Variants in ARPC1B observed in about 807,000 individuals in gnomAD.
ARPC1B encodes actin related protein 2/3 complex subunit 1B, also known as actin-related protein 2/3 complex subunit 1B.
ARPC1B carries 29 observed loss-of-function variants against 46.0 expected under a neutral mutation model. The ratio of observed to expected loss-of-function variants is 0.63; its 90% CI spans 0.47 to 0.86. The LOEUF is 0.86. Among genes scored for constraint, ARPC1B ranks in the 40% least tolerant of loss-of-function variants. The pLI, the probability that ARPC1B is intolerant of heterozygous loss-of-function variation, is 0.00. For synonymous variants in ARPC1B, 201 were observed against 213.9 expected (o/e 0.94, Z 0.53); for missense variants, 469 against 529.4 (o/e 0.89, Z 1.12).
intron 1 of ARPC1B, among the ~76,000 whole-genome samples, chr7:99,380,569 C>T (rs1794183956): frequency 6.6e-6 from 1 of 152,192 alleles, no homozygotes; most frequent in South Asian, 2.1e-4. Flanking sequence ...CCAGCCCCTC[C>T]TCTGCCCCTT....
rs368940243 is a variant in ARPC1B, at chr7:99,391,085, C to T, written c.693C>T (p.Ala231=). The T allele has an allele frequency of 3.5e-5, 57 of 1,613,438 alleles. No individual in the cohort carries two copies. The highest frequency in any genetic ancestry group is 1.3e-4 in the African/African-American group (10 of 75,028). Residue 231 remains alanine (A), a synonymous_variant, in exon 6 of 10, where the codon GCC becomes GCT. Coordinates refer to ENST00000646101, the MANE Select transcript of ARPC1B (RefSeq NM_005720.4). ...SHDSTVCLAD[A]DKKMAVATLA... ...ACAGCACCGTCTGCCTGGCTGATGC[C>T]GACAAGAAGATGGCGTGAGTCGAGG...
chr7:99,380,649 C>T (rs1379908603), intron 1 of ARPC1B, among the ~76,000 whole-genome samples: 2 of 152,174 alleles, frequency 1.3e-5, no homozygotes, highest in East Asian at 3.9e-4. Context: ...TGCCCACTGG[C>T]ACACGTGGGG....
chr7:99,390,998 C>T lies in ARPC1B; in HGVS notation c.606C>T (p.Cys202=), dbSNP rs34820590. 5.0e-6 allele frequency: 8 copies of T among 1,613,974 alleles called. No individual in the cohort carries two copies. The highest frequency in any genetic ancestry group is 5.9e-6 in the Non-Finnish European group (7 of 1,180,024). ...TGATGTTCGAATCCAGCAGTAGCTG[C>T]GGCTGGGTACATGGCGTCTGTTTCT... ...GELMFESSSS[C]GWVHGVCFSA... The change falls in exon 6 of 10, where the codon TGC becomes TGT. Residue 202 remains cysteine, a synonymous_variant. Coordinates refer to ENST00000646101, the MANE Select transcript of ARPC1B (RefSeq NM_005720.4).
intron 1 of ARPC1B, among the ~76,000 whole-genome samples, chr7:99,382,901 G>A (rs1362025162): frequency 7.1e-6 from 1 of 140,982 alleles, no homozygotes; most frequent in South Asian, 2.2e-4. Context: ...CTGGAGTGCA[G>A]TGGTGTGATT....
chr7:99,388,350 A>AC lies in ARPC1B; in HGVS notation c.392+93dup, dbSNP rs1794462678. The AC allele has an allele frequency of 2.3e-6, 3 of 1,310,790 alleles. No homozygotes were observed. The South Asian group carries it at 3.9e-5, about 17-fold the overall frequency. The allele number at this position is 1,310,790 out of a possible 1,614,324, so 81.2% of individuals were successfully genotyped here. A position where few individuals can be genotyped will look rare whatever the true frequency, so the allele number is the denominator to read the frequency against. ...GGGAAGCACCAAATGGGATGTCAGG[A>AC]CCCCTGTTCCCATCACCCTGGGGGA... On this transcript the variant is annotated intron_variant, in intron 4 of 9. Coordinates refer to ENST00000646101, the MANE Select transcript of ARPC1B (RefSeq NM_005720.4).
chr7:99,392,907 C>CT, intron 8 of ARPC1B, 31 bp downstream of exon 8: 1 of 1,512,076 alleles, frequency 6.6e-7, no homozygotes, highest in South Asian at 1.2e-5. Flanking sequence ...GGCGGGTGGG[C>CT]GGGGCCTCGG....
At chr7:99,382,534 A>G (rs979867555) in intron 1 of ARPC1B, among the ~76,000 whole-genome samples, 15 of 152,234 alleles carry the variant, frequency 9.9e-5, no homozygotes, top group African/African-American at 3.6e-4. Context: ...CAGTGGTACA[A>G]TCATAGCTCA....
chr7:99,388,465 C>T (rs1326607070), intron 4 of ARPC1B, among the ~76,000 whole-genome samples: 1 of 152,144 alleles, frequency 6.6e-6, no homozygotes, highest in Non-Finnish European at 1.5e-5. Flanking sequence ...ACCCACCACA[C>T]CAGAAACACA....
rs1794453001 is a variant in ARPC1B at position 99,388,101 on chromosome 7, G to A, written c.232G>A (p.Val78Met). Residue 78 changes from valine (V) to methionine (M), a missense_variant, in exon 4 of 10, where the codon GTG becomes ATG. Val to Met is a conservative substitution (Grantham distance 21). Transcript: ENST00000646101. ...CTGCGGCACAGACCGCAACGCCTAC[G>A]TGTGGACGCTGAAGGGCCGCACATG... ...VTCGTDRNAY[V>M]WTLKGRTWKP... The A allele has an allele frequency of 1.9e-6, 3 of 1,614,116 alleles. No homozygotes were observed. The highest frequency in any genetic ancestry group is 2.2e-5 in the East Asian group (1 of 44,880).
In ARPC1B at chr7:99,374,893, G is replaced by C. The variant is rs1296833567; in HGVS notation, c.-14+112G>C. ...AGTGAGCGGGACTGGAGGGATGAGA[G>C]GGGGTGCAAGGAGGGGACCGGGGGG... On this transcript the variant is annotated intron_variant, in intron 1 of 9. Transcript: ENST00000646101. This position sits in a 1 kb window ranked among gnomAD's most constrained non-coding sequence, Gnocchi z 5.0. 1 of 151,906 alleles carries C rather than the reference G, an allele frequency of 6.6e-6. No individual in the cohort carries two copies. Among genetic ancestry groups the C allele is most frequent in the Non-Finnish European group, 1.5e-5 (1 of 68,138 alleles). 9.4% of individuals were successfully genotyped at this position (151,906 alleles called of 1,614,324 possible). A position where few individuals can be genotyped will look rare whatever the true frequency, so the allele number is the denominator to read the frequency against.
At chr7:99,379,820 T>C (rs982429955) in intron 1 of ARPC1B, among the ~76,000 whole-genome samples, 3 of 151,778 alleles carry the variant, frequency 2.0e-5, no homozygotes, top group Non-Finnish European at 4.4e-5. Flanking sequence ...TTTTTTTTTT[T>C]TCCAAGTGGA....
chr7:99,377,709 A>G (rs1794070739), intron 1 of ARPC1B, among the ~76,000 whole-genome samples: 1 of 151,542 alleles, frequency 6.6e-6, no homozygotes, highest in South Asian at 2.1e-4. Context: ...ATCTCAGCTA[A>G]CTGCAACCTC....
At chr7:99,391,295 G>A (rs1442719767) in intron 7 of ARPC1B, 42 bp downstream of exon 7, 3 of 1,594,280 alleles carry the variant, frequency 1.9e-6, no homozygotes, top group Admixed American at 3.4e-5. Flanking sequence ...GGTCACAGCA[G>A]GCCTCCGAGA....
intron 3 of ARPC1B, 70 bp downstream of exon 3, chr7:99,386,859 G>A (rs547802140): frequency 5.2e-6 from 6 of 1,164,190 alleles, no homozygotes; most frequent in Admixed American, 1.9e-5. Context: ...GCAAGGCAGG[G>A]CATGGCCACT....
chr7:99,375,564 G>C (rs1204866058), intron 1 of ARPC1B, among the ~76,000 whole-genome samples: 4 of 121,146 alleles, frequency 3.3e-5, no homozygotes, highest in African/African-American at 2.7e-4. Flanking sequence ...GAAGGGATCA[G>C]GAGTGCAAGC....
Position 99,388,266 on chromosome 7 carries a change from G to T in ARPC1B, c.392+5G>T. On this transcript the variant is annotated splice_donor_5th_base_variant and intron_variant, in intron 4 of 9. Transcript: ENST00000646101. ...TTTCGAGCAGGAGAATGACTGGTGG[G>T]TACCTAGGCAGGGCCAGAGTGGGCT... 6.2e-7 allele frequency: 1 copy of T among 1,613,362 alleles called. No individual in the cohort carries two copies. The highest frequency in any genetic ancestry group is 1.3e-5 in the African/African-American group (1 of 75,040).
At chr7:99,387,018 C>A (rs1794410689) in intron 3 of ARPC1B, among the ~76,000 whole-genome samples, 1 of 152,236 alleles carries the variant, frequency 6.6e-6, no homozygotes, top group African/African-American at 2.4e-5. Context: ...TGACCAAGAA[C>A]CCATCTTTTC....
chr7:99,388,191 G>A lies in ARPC1B; in HGVS notation c.322G>A (p.Glu108Lys), dbSNP rs573107646. 26 of 1,614,252 alleles carry A rather than the reference G, an allele frequency of 1.6e-5. No homozygotes were observed. The highest frequency in any genetic ancestry group is 6.7e-5 in the Admixed American group (4 of 60,038). Residue 108 changes from glutamate to lysine, a missense_variant, in exon 4 of 10, where the codon GAG becomes AAG. Glu to Lys is a moderately conservative substitution (Grantham distance 56). Coordinates refer to ENST00000646101, the MANE Select transcript of ARPC1B (RefSeq NM_005720.4). ...CCGCTGCGTGCGCTGGGCCCCCAAC[G>A]AGAACAAGTTTGCTGTGGGCAGCGG... ...AARCVRWAPN[E>K]NKFAVGSGSR...
rs779260035 is a variant in ARPC1B at position 99,375,823 on chromosome 7, G to T, written c.-14+1042G>T. 1.8e-4 allele frequency among the ~76,000 whole-genome samples: 28 copies of T among 152,150 alleles called. 1 individual carries two copies. The highest frequency in any genetic ancestry group is 1.0e-4 in the Non-Finnish European group (7 of 68,014). Reference sequence around the variant, plus strand: ...CATGCCTGTAATCCCAACACTTTGGGAGTCGAGGTGGACGGATCACTTGAG... The same window carrying T: ...CATGCCTGTAATCCCAACACTTTGGTAGTCGAGGTGGACGGATCACTTGAG... On this transcript the variant is annotated intron_variant, in intron 1 of 9. Coordinates refer to ENST00000646101, the MANE Select transcript of ARPC1B (RefSeq NM_005720.4).
Sources: allele counts gnomAD v4.1 joint callset (sites outside exome capture counted in the v4.1 genomes callset), GRCh38; gene constraint gnomAD v4.1.1; non-coding constraint Gnocchi (gnomAD v3.1); transcripts MANE v1.5; gene names NCBI Gene and HGNC (gene_info 2026-07-23, HGNC 2026-07-21).